Variants in SAMHD1 observed in about 807,000 individuals in gnomAD.
SAMHD1 encodes deoxynucleoside triphosphate triphosphohydrolase SAMHD1.
Under a neutral mutation model 79.6 loss-of-function variants are expected in SAMHD1, and 54 were observed. The ratio of observed to expected loss-of-function variants is 0.68; its 90% CI spans 0.55 to 0.85. SAMHD1 has a LOEUF of 0.85. Among genes scored for constraint, SAMHD1 ranks in the 40% least tolerant of loss-of-function variants. The probability of loss-of-function intolerance (pLI) is 0.00; values close to 1 mark genes in which losing one functional copy is unlikely to be tolerated. For missense variants in SAMHD1, 663 were observed against 782.7 expected (o/e 0.85, Z 1.82); for synonymous variants, 260 against 264.1 (o/e 0.98, Z 0.15).
chr20:36,919,452 T>G lies in SAMHD1; in HGVS notation c.764A>C (p.Glu255Ala). ...TTCTTCAGGGATGAGACCATATTGT[T>G]CCATGACAGGCTTAATTCCATTAGA... ...INSNGIKPVM[E>A]QYGLIPEEDI... is the part of the protein sequence containing the mutation. The change falls in exon 7 of 16, where the codon GAA becomes GCA. Residue 255 changes from glutamate (E) to alanine (A), a missense_variant. Transcript: ENST00000646673. 1.2e-6 allele frequency: 2 copies of G among 1,613,468 alleles called. No homozygotes were observed. Among genetic ancestry groups the G allele is most frequent in the Non-Finnish European group, 1.7e-6 (2 of 1,179,512 alleles).
Position 36,922,176 on chromosome 20 carries a change from A to C in SAMHD1, c.697-2657T>G, listed in dbSNP as rs111266909. On this transcript the variant is annotated intron_variant, in intron 6 of 15. Coordinates refer to ENST00000646673, the MANE Select transcript of SAMHD1 (RefSeq NM_015474.4). ...GATCAAAAGAAACTAGAAAAATGGC[A>C]ACTAAATGCAATGTGTAATTCTGGA... Among the ~76,000 whole-genome samples, 537 of 152,342 alleles carry C rather than the reference A, an allele frequency of 3.5e-3. 4 individuals are homozygous for C. The highest frequency in any genetic ancestry group is 0.01 in the Middle Eastern group (3 of 294).
At chr20:36,928,698 AAG>A (rs935249398) in intron 5 of SAMHD1, among the ~76,000 whole-genome samples, 2 of 150,718 alleles carry the variant, frequency 1.3e-5, no homozygotes, top group South Asian at 2.1e-4. Flanking sequence ...AAAAAAAAAA[AAG>A]AAAATCCACT....
chr20:36,951,428 G>A lies in SAMHD1; in HGVS notation c.208+8C>T, dbSNP rs543987630. On this transcript the variant is annotated splice_region_variant and intron_variant, in intron 1 of 15. Transcript: ENST00000646673. ...CCCTTCGCCCCTCAGCCCCTCCGGA[G>A]CCGCTACCTCGGATGTTCTTCAGCA... 76 of 1,613,502 alleles carry A rather than the reference G, an allele frequency of 4.7e-5. No individual in the cohort carries two copies. The Admixed American group carries it at 1.2e-3, about 25-fold the overall frequency.
intron 9 of SAMHD1, among the ~76,000 whole-genome samples, chr20:36,913,568 A>G (rs371566032): frequency 6.2e-4 from 92 of 149,508 alleles, no homozygotes; most frequent in East Asian, 4.3e-3. Context: ...ACGCCATTGC[A>G]CTCCAGTCTG....
At chr20:36,921,875 G>A (rs2063508016) in intron 6 of SAMHD1, among the ~76,000 whole-genome samples, 1 of 152,060 alleles carries the variant, frequency 6.6e-6, no homozygotes, top group South Asian at 2.1e-4. Flanking sequence ...TTTTAGTAGA[G>A]ACAGGGTTTC....
chr20:36,911,433 A>G, intron 10 of SAMHD1, 100 bp from the exon 11 acceptor site: 1 of 767,996 alleles, frequency 1.3e-6, no homozygotes, highest in Non-Finnish European at 2.3e-6. Flanking sequence ...AAACAAAATA[A>G]TGAGGCACAG....
At chr20:36,899,979 G>A (rs1424048941) in intron 13 of SAMHD1, among the ~76,000 whole-genome samples, 4 of 151,212 alleles carry the variant, frequency 2.6e-5, no homozygotes, top group East Asian at 2.0e-4. Flanking sequence ...CTGTAGTCCC[G>A]GCTACTCAGG....
At chr20:36,932,647 C>T (rs1161907233) in intron 4 of SAMHD1, among the ~76,000 whole-genome samples, 3 of 151,794 alleles carry the variant, frequency 2.0e-5, no homozygotes, top group African/African-American at 7.3e-5. Flanking sequence ...GAACTCCTGA[C>T]CTCAGGTGAT....
At chr20:36,894,159 A>G (rs1485235713) in intron 15 of SAMHD1, 6 of 389,410 alleles carry the variant, frequency 1.5e-5, no homozygotes, top group African/African-American at 1.2e-4. Context: ...TTTGTATCTC[A>G]CCCCCATGTT....
rs1555830176 is a variant in SAMHD1 at position 36,890,396 on chromosome 20, C to CTCTTTCTTTTCTTTCTT, written c.*2535_*2536insAAGAAAGAAAAGAAAGA. 7.0e-6 allele frequency: 1 copy of CTCTTTCTTTTCTTTCTT among 142,450 alleles called. No individual in the cohort carries two copies. The highest frequency in any genetic ancestry group is 1.5e-5 in the Non-Finnish European group (1 of 65,368). 8.8% of individuals were successfully genotyped at this position (142,450 alleles called of 1,614,324 possible). On this transcript the variant is annotated 3_prime_UTR_variant, in exon 16 of 16. Transcript: ENST00000646673. ...ATACAAATAGCAAAGATATTTCTTT[C>CTCTTTCTTTTCTTTCTT]TCTTTCTTTCTTTCTTTCTTTCTTT...
At chr20:36,943,804 G>A (rs2063663706) in intron 2 of SAMHD1, among the ~76,000 whole-genome samples, 1 of 152,128 alleles carries the variant, frequency 6.6e-6, no homozygotes, top group Admixed American at 6.6e-5. Flanking sequence ...GTCATGCCGG[G>A]GACAGTGGCT....
intron 6 of SAMHD1, among the ~76,000 whole-genome samples, chr20:36,926,123 T>C (rs1336113050): frequency 6.6e-6 from 1 of 151,560 alleles, no homozygotes; most frequent in Non-Finnish European, 1.5e-5. Context: ...CAAAATCTTG[T>C]ACGATAATAT....
At chr20:36,907,346 G>A (rs988648365) in intron 11 of SAMHD1, among the ~76,000 whole-genome samples, 6 of 150,936 alleles carry the variant, frequency 4.0e-5, no homozygotes, top group African/African-American at 9.8e-5. Flanking sequence ...CTGCATCCTC[G>A]ACCTCCTGGA....
rs1371480402 is a variant in SAMHD1 at position 36,935,141 on chromosome 20, C to T, written c.397G>A (p.Val133Ile). The T allele has an allele frequency of 5.0e-6, 8 of 1,613,492 alleles. No individual in the cohort carries two copies. The highest frequency in any genetic ancestry group is 2.2e-5 in the East Asian group (1 of 44,890). The change falls in exon 4 of 16, where the codon GTC becomes ATC. Residue 133 changes from valine (V) to isoleucine (I), a missense_variant. Physicochemically the swap from Val to Ile is conservative, Grantham distance 29. Transcript: ENST00000646673. ...AATTGAGGTGTATCAATGATTCGGA[C>T]GAGGAGAGGGTGGAGCTCAATGTGG... ...HGHIELHPLL[V>I]RIIDTPQFQR...
intron 6 of SAMHD1, 68 bp downstream of exon 6, chr20:36,927,114 T>C: frequency 2.9e-6 from 4 of 1,387,170 alleles, no homozygotes; most frequent in Non-Finnish European, 4.1e-6. Flanking sequence ...ACCAAACAGA[T>C]AAATTAACTA....
At chr20:36,909,983 C>T (rs1026007764) in intron 11 of SAMHD1, among the ~76,000 whole-genome samples, 4 of 151,452 alleles carry the variant, frequency 2.6e-5, no homozygotes, top group Non-Finnish European at 5.9e-5. Context: ...CCAGCACTTT[C>T]GGAGGCTGAG....
intron 5 of SAMHD1, among the ~76,000 whole-genome samples, chr20:36,930,302 C>T (rs2063560812): frequency 6.6e-6 from 1 of 151,780 alleles, no homozygotes; most frequent in Admixed American, 6.6e-5. Context: ...TCGAGACCAG[C>T]CTGGCCAACA....
rs1172058805 is a variant in SAMHD1 at position 36,951,681 on chromosome 20, C to T, written c.-38G>A. 6.2e-7 allele frequency: 1 copy of T among 1,610,402 alleles called. No individual in the cohort carries two copies. Among genetic ancestry groups the T allele is most frequent in the South Asian group, 1.1e-5 (1 of 90,992 alleles). On this transcript the variant is annotated 5_prime_UTR_variant, in exon 1 of 16. Transcript: ENST00000646673. ...CGTCCGGCACAGCAGTCAAGAACCT[C>T]GGCGCCGGACCCGCGCGCAGGCGCA...
intron 3 of SAMHD1, among the ~76,000 whole-genome samples, chr20:36,937,451 G>A (rs2063611667): frequency 6.6e-6 from 1 of 152,062 alleles, no homozygotes. Context: ...CCACAGACTG[G>A]GAAAAAATAT....
Sources: gnomAD v4.1 joint callset for allele counts (sites outside exome capture counted in the v4.1 genomes callset) on GRCh38, gnomAD v4.1.1 for gene constraint, MANE v1.5 for transcripts, NCBI Gene and HGNC (gene_info 2026-07-23, HGNC 2026-07-21) for gene names.